LRP1: variants seen among roughly 807,000 people sequenced by gnomAD.
LRP1 encodes the protein prolow-density lipoprotein receptor-related protein 1.
LRP1 carries 51 observed loss-of-function variants against 541.5 expected under a neutral mutation model. The observed-to-expected ratio is 0.09, with a 90% CI of 0.08 to 0.12. LRP1 has a LOEUF of 0.12. Among genes scored for constraint, LRP1 ranks in the 10% least tolerant of loss-of-function variants. LRP1 has a pLI of 1.00. For missense variants in LRP1, 3,878 were observed against 6,376.2 expected (o/e 0.61, Z 13.34); for synonymous variants, 2,219 against 2,470.8 (o/e 0.90, Z 3.02).
rs776018040 is a variant in LRP1, at chr12:57,143,786, A to G, written c.436A>G (p.Lys146Glu). The G allele has an allele frequency of 6.2e-7, 1 of 1,613,858 alleles. No homozygotes were observed. Residue 146 changes from lysine (K) to glutamate (E), a missense_variant, in exon 4 of 89, where the codon AAG (lysine) becomes GAG (glutamate). This residue lies in a region of LRP1 where 293 missense variants were observed against 403.7 expected (regional missense o/e 0.73). Transcript: ENST00000243077. Reference sequence around the variant, plus strand: ...CAGCTTTCAGCTTCAGGCAGATGGCAAGACCTGCAAAGGTATGTGAGTGCA... The same window carrying G: ...CAGCTTTCAGCTTCAGGCAGATGGCGAGACCTGCAAAGGTATGTGAGTGCA... ...NSSFQLQADG[K>E]TCKDFDECSV...
chr12:57,156,853 C>T lies in LRP1; in HGVS notation c.1494C>T (p.Ser498=), dbSNP rs1361536275. The T allele has an allele frequency of 1.9e-6, 3 of 1,602,170 alleles. No individual in the cohort carries two copies. Among genetic ancestry groups the T allele is most frequent in the Non-Finnish European group, 2.5e-6 (3 of 1,177,236 alleles). ...GCSDICLLAN[S]HKARTCRCRS... The stretch of plus-strand genomic sequence containing the variant: ...CTGACATCTGCCTGCTGGCCAACAG[C>T]CACAAGGCGCGGACCTGCCGCTGCC... Residue 498 remains serine (S), a synonymous_variant, in exon 10 of 89, where the codon AGC becomes AGT. Coordinates refer to ENST00000243077, the MANE Select transcript of LRP1 (RefSeq NM_002332.3). This position sits in a 1 kb window ranked among gnomAD's most constrained non-coding sequence, Gnocchi z 5.2.
chr12:57,146,945 G>T (rs998378881), intron 6 of LRP1, among the ~76,000 whole-genome samples: 3 of 151,886 alleles, frequency 2.0e-5, no homozygotes, highest in Non-Finnish European at 4.4e-5. Flanking sequence ...CCCCAGCCCT[G>T]CATCTTGCCA....
Position 57,156,061 on chromosome 12 carries a change from C to A in LRP1, c.1228-33C>A. ...GGACAGAGGGAGGAACCCCTGTCAT[C>A]TCATGCTGTCCATTCTTGCCTGCCC... is the stretch of plus-strand genomic sequence containing the variant. On this transcript the variant is annotated intron_variant, in intron 8 of 88. Coordinates refer to ENST00000243077, the MANE Select transcript of LRP1 (RefSeq NM_002332.3). This position sits in a 1 kb window ranked among gnomAD's most constrained non-coding sequence, Gnocchi z 5.2. 1 of 1,593,754 alleles carries A rather than the reference C, an allele frequency of 6.3e-7. No individual in the cohort carries two copies. Among genetic ancestry groups the A allele is most frequent in the Non-Finnish European group, 8.6e-7 (1 of 1,166,004 alleles).
chr12:57,150,968 G>A (rs1194653024), intron 6 of LRP1, among the ~76,000 whole-genome samples: 1 of 151,972 alleles, frequency 6.6e-6, no homozygotes, highest in African/African-American at 2.4e-5. Context: ...CCCTGGGGAT[G>A]TGGATAGAGG....
At chr12:57,182,535 G>C (rs1487148268) in intron 34 of LRP1, among the ~76,000 whole-genome samples, 1 of 141,522 alleles carries the variant, frequency 7.1e-6, no homozygotes, top group Non-Finnish European at 1.5e-5. Flanking sequence ...AAAAAAAAAA[G>C]AGCCAGGTGC....
intron 1 of LRP1, among the ~76,000 whole-genome samples, chr12:57,129,994 G>A (rs955070543): frequency 1.3e-5 from 2 of 152,138 alleles, no homozygotes; most frequent in Admixed American, 1.3e-4. Context: ...GCAGAGTTAG[G>A]CTTAGGCTAG....
rs370351383 is a variant in LRP1 at position 57,165,896 on chromosome 12, C to T, written c.2622C>T (p.Asp874=). 24 of 1,614,080 alleles carry T rather than the reference C, an allele frequency of 1.5e-5. No individual in the cohort carries two copies. The highest frequency in any genetic ancestry group is 3.3e-5 in the Admixed American group (2 of 60,012). ...SRCIQERWKC[D]GDNDCLDNSD... ...GCATCCAGGAGCGCTGGAAGTGTGACGGAGACAACGATTGCCTGGACAACA... is the reference window on the plus strand; with the variant it reads ...GCATCCAGGAGCGCTGGAAGTGTGATGGAGACAACGATTGCCTGGACAACA... The change falls in exon 16 of 89, where the codon GAC becomes GAT. Residue 874 remains aspartate, a synonymous_variant. Transcript: ENST00000243077. The surrounding 1 kb of genome is among the most constrained non-coding windows in gnomAD (Gnocchi z 4.5).
chr12:57,141,009 T>C (rs1198618636), intron 2 of LRP1, among the ~76,000 whole-genome samples: 1 of 152,158 alleles, frequency 6.6e-6, no homozygotes. Flanking sequence ...GCTAGGATTA[T>C]AGGTGTGAGC....
intron 82 of LRP1, 78 bp from the exon 83 acceptor site, chr12:57,210,640 C>T: frequency 6.6e-7 from 1 of 1,507,122 alleles, no homozygotes; most frequent in Non-Finnish European, 9.0e-7. Context: ...TCGCCCAGGT[C>T]CCCCCAGCCC....
rs1390774941 is a variant in LRP1 at position 57,211,497 on chromosome 12, G to C, written c.13102G>C (p.Gly4368Arg). 2 of 1,613,752 alleles carry C rather than the reference G, an allele frequency of 1.2e-6. No individual in the cohort carries two copies. The highest frequency in any genetic ancestry group is 1.7e-6 in the Non-Finnish European group (2 of 1,180,030). Residue 4368 changes from glycine (G) to arginine (R), a missense_variant, in exon 85 of 89, where the codon GGC (glycine) becomes CGC (arginine). By Grantham distance (125) the Gly-to-Arg change is moderately radical. Around this residue, in one of 13 missense-constraint regions of LRP1, gnomAD observed 871 missense variants for 1,212.4 expected, o/e 0.72. Coordinates refer to ENST00000243077, the MANE Select transcript of LRP1 (RefSeq NM_002332.3). This position sits in a 1 kb window ranked among gnomAD's most constrained non-coding sequence, Gnocchi z 4.3. ...GATTCCTTCCTGCAGCTGCACGGAT[G>C]GCCGGGTGGCCCCCAGCTGTCTGAC... ...SGDVTCNCTD[G>R]RVAPSCLTCV...
chr12:57,156,815 C>G lies in LRP1; in HGVS notation c.1456C>G (p.Pro486Ala), dbSNP rs773157202. ...CTGTGAAAACGACCAGTATGGGAAG[C>G]CGGGTGGCTGCTCTGACATCTGCCT... is the stretch of plus-strand genomic sequence containing the variant. ...HACENDQYGKPGGCSDICLLA... is the reference protein window; with the variant it reads ...HACENDQYGKAGGCSDICLLA... Residue 486 changes from proline to alanine, a missense_variant, in exon 10 of 89, where the codon CCG becomes GCG. Pro to Ala is a conservative substitution (Grantham distance 27, BLOSUM62 -1). Transcript: ENST00000243077. This position sits in a 1 kb window ranked among gnomAD's most constrained non-coding sequence, Gnocchi z 5.2. 3.7e-6 allele frequency: 6 copies of G among 1,609,302 alleles called. No homozygotes were observed. The Middle Eastern group carries it at 6.2e-4, about 167-fold the overall frequency.
rs2136680062 is a variant in LRP1 at position 57,159,717 on chromosome 12, CT to C, written c.1799-107del. The C allele has an allele frequency of 1.4e-5, 16 of 1,119,598 alleles. No individual in the cohort carries two copies. In the South Asian group the frequency reaches 2.2e-4, roughly 16 times the overall value. 69.4% of individuals were successfully genotyped at this position (1,119,598 alleles called of 1,614,324 possible). A position where few individuals can be genotyped will look rare whatever the true frequency, so the allele number is the denominator to read the frequency against. On this transcript the variant is annotated intron_variant, in intron 11 of 88. Coordinates refer to ENST00000243077, the MANE Select transcript of LRP1 (RefSeq NM_002332.3). ...AGGGCCCCAGAGGGTCCCTGCACCC[CT>C]CTGTAGCCCAGACTGCTCAAAGGTA...
chr12:57,160,292 G>A (rs901350010), intron 12 of LRP1, among the ~76,000 whole-genome samples: 2 of 152,142 alleles, frequency 1.3e-5, no homozygotes, highest in Non-Finnish European at 2.9e-5. Context: ...CAGCCCCACA[G>A]TGTCTGCCTG....
chr12:57,148,686 G>A (rs2035464561), intron 6 of LRP1, among the ~76,000 whole-genome samples: 1 of 152,230 alleles, frequency 6.6e-6, no homozygotes, highest in Non-Finnish European at 1.5e-5. Flanking sequence ...GAACATGGGT[G>A]TGTATGGTGA....
chr12:57,133,541 CGGTTTG>C (rs2035083474), intron 1 of LRP1, among the ~76,000 whole-genome samples: 1 of 152,108 alleles, frequency 6.6e-6, no homozygotes, highest in Non-Finnish European at 1.5e-5. Flanking sequence ...GAAAACCTCT[CGGTTTG>C]GGTTTGGGAG....
rs1410092330 is a variant in LRP1 at position 57,169,304 on chromosome 12, C to G, written c.3160C>G (p.Gln1054Glu). ...SDETHANCTNQATRPPGGCHT... is the reference protein window; with the variant it reads ...SDETHANCTNEATRPPGGCHT... The stretch of plus-strand genomic sequence containing the variant: ...TGAGACACACGCCAACTGCACCAAC[C>G]AGGGTGGGCACCAGGGGCCCGTGGG... The change falls in exon 20 of 89, where the codon CAG (glutamine) becomes GAG (glutamate). Residue 1054 changes from glutamine to glutamate, a missense_variant. By Grantham distance (29) the Gln-to-Glu change is conservative. Coordinates refer to ENST00000243077, the MANE Select transcript of LRP1 (RefSeq NM_002332.3). The G allele has an allele frequency of 6.2e-6, 10 of 1,601,142 alleles. No individual in the cohort carries two copies. Among genetic ancestry groups the G allele is most frequent in the Non-Finnish European group, 7.7e-6 (9 of 1,170,016 alleles).
In LRP1 at chr12:57,203,508, C is replaced by T. The variant is rs778027078; in HGVS notation, c.10938C>T (p.Ala3646=). The T allele has an allele frequency of 1.3e-6, 2 of 1,546,848 alleles. No individual in the cohort carries two copies. Among genetic ancestry groups the T allele is most frequent in the Non-Finnish European group, 1.7e-6 (2 of 1,143,048 alleles). ...GCATGGACGGCAGCGACGAGGAGGC[C>T]TGCGGCACTGGCGGTGCGCCCCTTG... The part of the protein sequence containing the change: ...ADCMDGSDEE[A]CGTGVRTCPL... The change falls in exon 70 of 89, where the codon GCC becomes GCT. Residue 3646 remains alanine (A), a synonymous_variant. Coordinates refer to ENST00000243077, the MANE Select transcript of LRP1 (RefSeq NM_002332.3).
rs761702371 is a variant in LRP1 at position 57,201,876 on chromosome 12, A to G, written c.10565A>G (p.Asp3522Gly). The G allele has an allele frequency of 6.2e-7, 1 of 1,614,042 alleles. No homozygotes were observed. The highest frequency in any genetic ancestry group is 8.5e-7 in the Non-Finnish European group (1 of 1,180,004). Residue 3522 changes from aspartate (D) to glycine (G), a missense_variant, in exon 67 of 89, where the codon GAT becomes GGT. Asp to Gly is a moderately conservative substitution (Grantham distance 94, BLOSUM62 -1). Coordinates refer to ENST00000243077, the MANE Select transcript of LRP1 (RefSeq NM_002332.3). The surrounding 1 kb of genome is among the most constrained non-coding windows in gnomAD (Gnocchi z 6.4). ...WKCDGEDDCG[D>G]GSDEPKEECD... ...TGTGACGGAGAGGATGACTGTGGGG[A>G]TGGCTCGGATGAGCCCAAGGAAGAG...
rs2036067020 is a variant in LRP1 at position 57,177,350 on chromosome 12, C to T, written c.4197-77C>T. ...CTCAGTGCCATCTGCCTCCTCCCAC[C>T]CTCTACCTACGATCCCACCACAGTC... On this transcript the variant is annotated intron_variant, in intron 25 of 88. Coordinates refer to ENST00000243077, the MANE Select transcript of LRP1 (RefSeq NM_002332.3). The surrounding 1 kb of genome is among the most constrained non-coding windows in gnomAD (Gnocchi z 6.8). The T allele has an allele frequency of 5.8e-6, 9 of 1,558,378 alleles. No homozygotes were observed. In the East Asian group the frequency reaches 2.0e-4, roughly 35 times the overall value.
Sources: allele counts gnomAD v4.1 joint callset (sites outside exome capture counted in the v4.1 genomes callset), GRCh38; gene constraint gnomAD v4.1.1; regional missense constraint gnomAD v4.1.1; non-coding constraint Gnocchi (gnomAD v3.1); transcripts MANE v1.5; gene names NCBI Gene and HGNC (gene_info 2026-07-23, HGNC 2026-07-21).